PSTPIP1: variants seen among roughly 807,000 people sequenced by gnomAD.
PSTPIP1 encodes the protein proline-serine-threonine phosphatase interacting protein 1, also known as proline-serine-threonine phosphatase-interacting protein 1.
Under a neutral mutation model 69.6 loss-of-function variants are expected in PSTPIP1, and 66 were observed. That is an observed-to-expected ratio of 0.95 (90% CI 0.78 to 1.16). PSTPIP1 has a LOEUF of 1.16. PSTPIP1 is among the 50% of genes most tolerant of loss of function. The pLI, the probability that PSTPIP1 is intolerant of heterozygous loss-of-function variation, is 0.00. For synonymous variants in PSTPIP1, 266 were observed against 222.7 expected (o/e 1.19, Z -1.73); for missense variants, 603 against 557.4 (o/e 1.08, Z -0.82).
intron 7 of PSTPIP1, 151 bp from the exon 8 acceptor site, chr15:77,029,378 T>C: frequency 1.2e-6 from 1 of 824,886 alleles, no homozygotes; most frequent in Non-Finnish European, 1.9e-6. Flanking sequence ...TGGGCGGAGG[T>C]TGCTTGTGGA....
At chr15:77,019,246 G>T (rs2076115215) in intron 3 of PSTPIP1, among the ~76,000 whole-genome samples, 1 of 152,198 alleles carries the variant, frequency 6.6e-6, no homozygotes, top group Admixed American at 6.5e-5. Flanking sequence ...TGGAGGGGCT[G>T]CTCTGGGAAG....
rs553036923 is a variant in PSTPIP1 at position 77,025,743 on chromosome 15, G to C, written c.354+139G>C. ...TGGTGGGACAGCACTCCAGGCTTTG[G>C]GGCTTGAGGGTGATCTGAAGTGGGT... On this transcript the variant is annotated intron_variant, in intron 5 of 14. Coordinates refer to ENST00000558012, the MANE Select transcript of PSTPIP1 (RefSeq NM_003978.5). The C allele has an allele frequency of 4.2e-4, 318 of 751,816 alleles. 1 individual carries two copies. In the African/African-American group the frequency reaches 5.3e-3, roughly 12 times the overall value. The allele number at this position is 751,816 out of a possible 1,614,324, so 46.6% of individuals were successfully genotyped here.
chr15:77,010,813 AT>A (rs1026835330), intron 1 of PSTPIP1, among the ~76,000 whole-genome samples: 2 of 151,878 alleles, frequency 1.3e-5, no homozygotes, highest in Non-Finnish European at 2.9e-5. Context: ...CGCCCAGCTA[AT>A]TTTGTATTTT....
At chr15:77,030,825 A>G (rs1393313848) in intron 9 of PSTPIP1, among the ~76,000 whole-genome samples, 4 of 152,170 alleles carry the variant, frequency 2.6e-5, no homozygotes, top group Non-Finnish European at 4.4e-5. Flanking sequence ...GTTGAAGCCA[A>G]AACTGGGACT....
rs187039996 is a variant in PSTPIP1 at position 76,998,669 on chromosome 15, G to A, written c.36+3060G>A. Among the ~76,000 whole-genome samples the A allele has an allele frequency of 1.2e-4, 19 of 152,316 alleles. No individual in the cohort carries two copies. In the East Asian group the frequency reaches 3.7e-3, roughly 29 times the overall value. ...AGCTAGCAGCCTGATTGCAAGGAAG[G>A]AGACAGAAACAGTCTGAAAAGCAGC... On this transcript the variant is annotated intron_variant, in intron 1 of 14. Transcript: ENST00000558012.
intron 1 of PSTPIP1, among the ~76,000 whole-genome samples, chr15:76,999,057 C>G (rs1269736582): frequency 1.3e-5 from 2 of 152,154 alleles, no homozygotes; most frequent in African/African-American, 2.4e-5. Context: ...GAGTCTAAGG[C>G]GCTGGGAAGC....
At chr15:77,033,032 C>T in intron 12 of PSTPIP1, 80 bp downstream of exon 12, 1 of 1,363,172 alleles carries the variant, frequency 7.3e-7, no homozygotes, top group South Asian at 1.3e-5. Flanking sequence ...CCTGGCCCTT[C>T]CTCGTTCACT....
At chr15:77,006,196 G>T (rs2075813251) in intron 1 of PSTPIP1, among the ~76,000 whole-genome samples, 1 of 151,878 alleles carries the variant, frequency 6.6e-6, no homozygotes, top group Non-Finnish European at 1.5e-5. Context: ...TCGTAGTTTT[G>T]ATTTGCATTT....
intron 2 of PSTPIP1, 28 bp from the exon 3 acceptor site, chr15:77,018,429 G>A: frequency 6.4e-7 from 1 of 1,560,716 alleles, no homozygotes; most frequent in East Asian, 2.4e-5. Context: ...AGTCACTGAT[G>A]ATCTTTCAAA....
intron 1 of PSTPIP1, among the ~76,000 whole-genome samples, chr15:77,002,849 A>T (rs1346192767): frequency 2.0e-5 from 3 of 152,184 alleles, no homozygotes; most frequent in Non-Finnish European, 4.4e-5. Flanking sequence ...TGCTCCTGAC[A>T]TCTACACAGA....
rs1391408161 is a variant in PSTPIP1, at chr15:77,037,368, G to A, written c.*192G>A. On this transcript the variant is annotated 3_prime_UTR_variant, in exon 15 of 15. Transcript: ENST00000558012. The stretch of plus-strand genomic sequence containing the variant: ...TGGGGTCCCGTTCTCTTTTTCTCCT[G>A]CTCCAGTGTCCGAGTGCTCAGTTCA... The A allele has an allele frequency of 4.3e-6, 3 of 690,874 alleles. No individual in the cohort carries two copies. The highest frequency in any genetic ancestry group is 1.8e-5 in the African/African-American group (1 of 54,678). The allele number at this position is 690,874 out of a possible 1,614,324, so 42.8% of individuals were successfully genotyped here. A position where few individuals can be genotyped will look rare whatever the true frequency, so the allele number is the denominator to read the frequency against.
At chr15:77,035,301 A>G (rs889170582) in intron 12 of PSTPIP1, among the ~76,000 whole-genome samples, 1 of 152,026 alleles carries the variant, frequency 6.6e-6, no homozygotes, top group African/African-American at 2.4e-5. Flanking sequence ...GTAGCTGGGG[A>G]AGGAGGAGCC....
At chr15:77,019,223 C>T (rs1044872515) in intron 3 of PSTPIP1, among the ~76,000 whole-genome samples, 1 of 152,140 alleles carries the variant, frequency 6.6e-6, no homozygotes, top group African/African-American at 2.4e-5. Context: ...ACACAGCCAC[C>T]CTAACAGTGG....
chr15:77,020,782 T>C (rs945026799), intron 3 of PSTPIP1, among the ~76,000 whole-genome samples: 1 of 151,578 alleles, frequency 6.6e-6, no homozygotes, highest in Non-Finnish European at 1.5e-5. Flanking sequence ...TAGACCCAAT[T>C]ACCCCTCCCC....
chr15:77,035,331 G>A (rs891342198), intron 12 of PSTPIP1, among the ~76,000 whole-genome samples, 177 bp from the exon 13 acceptor site: 1 of 152,192 alleles, frequency 6.6e-6, no homozygotes, highest in Non-Finnish European at 1.5e-5. Context: ...ACTTTCTGGG[G>A]AGCCCTCCTG....
chr15:77,036,074 A>G, intron 14 of PSTPIP1, 139 bp downstream of exon 14: 1 of 1,215,614 alleles, frequency 8.2e-7, no homozygotes, highest in East Asian at 2.6e-5. Context: ...TCAGGAGGGC[A>G]CGTGTGCCCG....
rs1004784708 is a variant in PSTPIP1 at position 76,995,177 on chromosome 15, G to C, written c.-397G>C. ...GCCTGCCTGCCTGCCTGCCTGGCCC[G>C]GCCCGAGCTCCAGCCTGCCTCTTCC... On this transcript the variant is annotated 5_prime_UTR_variant, in exon 1 of 15. Coordinates refer to ENST00000558012, the MANE Select transcript of PSTPIP1 (RefSeq NM_003978.5). 1.1e-6 allele frequency: 1 copy of C among 943,604 alleles called. No homozygotes were observed. Among genetic ancestry groups the C allele is most frequent in the African/African-American group, 1.7e-5 (1 of 59,930 alleles). The allele number at this position is 943,604 out of a possible 1,614,324, so 58.5% of individuals were successfully genotyped here. A position where few individuals can be genotyped will look rare whatever the true frequency, so the allele number is the denominator to read the frequency against.
At chr15:77,029,691 G>A (rs754306026) in intron 8 of PSTPIP1, 117 bp downstream of exon 8, 21 of 1,164,934 alleles carry the variant, frequency 1.8e-5, no homozygotes, top group Admixed American at 2.5e-5. Context: ...TCATGGGCGC[G>A]GCGCTCTCAT....
intron 8 of PSTPIP1, 54 bp downstream of exon 8, chr15:77,029,628 C>G (rs543075797): frequency 6.6e-7 from 1 of 1,512,976 alleles, no homozygotes; most frequent in Admixed American, 2.0e-5. Flanking sequence ...GGCGGTACTC[C>G]CCACACACAC....
Sources: gnomAD v4.1 joint callset for allele counts (sites outside exome capture counted in the v4.1 genomes callset) on GRCh38, gnomAD v4.1.1 for gene constraint, MANE v1.5 for transcripts, NCBI Gene and HGNC (gene_info 2026-07-23, HGNC 2026-07-21) for gene names.